The following TEK variants were observed in gnomAD, a reference collection of about 807,000 sequenced individuals.
TEK encodes TEK receptor tyrosine kinase.
TEK carries 43 observed loss-of-function variants against 131.8 expected under a neutral mutation model. The ratio of observed to expected loss-of-function variants is 0.33; its 90% CI spans 0.26 to 0.42. The LOEUF (loss-of-function observed/expected upper bound fraction) is 0.42. TEK is among the 10% of genes least tolerant of loss of function. The pLI is 1.00. For synonymous variants in TEK, 580 were observed against 491.6 expected, an observed-to-expected ratio of 1.18 and a Z score of -2.38; for missense variants, 1,162 against 1,384.4, an observed-to-expected ratio of 0.84 and a Z score of 2.55.
rs1434306401 is a variant in TEK, at chr9:27,109,349, G to T, written c.-242G>T. On this transcript the variant is annotated 5_prime_UTR_variant, in exon 1 of 23. Coordinates refer to ENST00000380036, the MANE Select transcript of TEK (RefSeq NM_000459.5). Reference sequence around the variant, plus strand: ...CCCTGCTGATACCAAATGCCTTTAAGATACAGCCTTTCCCATCCTAATCTA... The same window carrying T: ...CCCTGCTGATACCAAATGCCTTTAATATACAGCCTTTCCCATCCTAATCTA... 2 of 609,598 alleles carry T rather than the reference G, an allele frequency of 3.3e-6. No homozygotes were observed. The highest frequency in any genetic ancestry group is 2.9e-6 in the Non-Finnish European group (1 of 343,308). 37.8% of individuals were successfully genotyped at this position (609,598 alleles called of 1,614,324 possible). A position where few individuals can be genotyped will look rare whatever the true frequency, so the allele number is the denominator to read the frequency against.
rs147274937 is a variant in TEK, at chr9:27,224,820, T to C, written c.3201-3386T>C. ...TAGGAAGAGAGGAAGTCAAACTGTCTCTGTCTGCAGATGACATGATTGTAT... is the reference window on the plus strand; with the variant it reads ...TAGGAAGAGAGGAAGTCAAACTGTCCCTGTCTGCAGATGACATGATTGTAT... On this transcript the variant is annotated intron_variant, in intron 21 of 22. Coordinates refer to ENST00000380036, the MANE Select transcript of TEK (RefSeq NM_000459.5). Among the ~76,000 whole-genome samples the C allele has an allele frequency of 9.7e-3, 1,471 of 152,238 alleles. 23 individuals carry two copies. Among genetic ancestry groups the C allele is most frequent in the African/African-American group, 0.034 (1,423 of 41,546 alleles).
At chr9:27,161,706 G>A (rs1374013487) in intron 2 of TEK, among the ~76,000 whole-genome samples, 2 of 152,220 alleles carry the variant, frequency 1.3e-5, no homozygotes, top group African/African-American at 4.8e-5. Flanking sequence ...GTAGAGGTAT[G>A]AGAGTGGAAG....
At chr9:27,171,698 G>A (rs1487844041) in intron 4 of TEK, among the ~76,000 whole-genome samples, 7 of 152,162 alleles carry the variant, frequency 4.6e-5, no homozygotes, top group African/African-American at 1.4e-4. Flanking sequence ...AAATGTCAGA[G>A]CAGCCTTTTT....
rs578182588 is a variant in TEK at position 27,113,762 on chromosome 9, C to T, written c.52+4120C>T. ...ACAAAACCTCAGTATAATCCTGTCTCTCAAACTTTGTGCTGGCCAATTCCA... is the reference window on the plus strand; with the variant it reads ...ACAAAACCTCAGTATAATCCTGTCTTTCAAACTTTGTGCTGGCCAATTCCA... On this transcript the variant is annotated intron_variant, in intron 1 of 22. Transcript: ENST00000380036. 4.3e-4 allele frequency among the ~76,000 whole-genome samples: 66 copies of T among 152,298 alleles called. No homozygotes were observed. In the Middle Eastern group the frequency reaches 0.014, roughly 31 times the overall value.
rs1241289440 is a variant in TEK, at chr9:27,192,566, G to C, written c.1567G>C (p.Gly523Arg). Reference protein sequence around the residue: ...YELCVQLVRRGEGGEGHPGPV... With the variant: ...YELCVQLVRRREGGEGHPGPV... ...ACTCTGTGTGCAACTGGTCCGTCGT[G>C]GAGAGGGTGGGGAAGGGCATCCTGG... Residue 523 changes from glycine to arginine, a missense_variant, in exon 11 of 23, where the codon GGA (glycine) becomes CGA (arginine). Around this residue, in one of 6 missense-constraint regions of TEK, gnomAD observed 477 missense variants for 471.0 expected, o/e 1.01. Coordinates refer to ENST00000380036, the MANE Select transcript of TEK (RefSeq NM_000459.5). The C allele has an allele frequency of 1.9e-6, 3 of 1,613,880 alleles. No homozygotes were observed. Among genetic ancestry groups the C allele is most frequent in the Non-Finnish European group, 2.5e-6 (3 of 1,179,972 alleles).
intron 9 of TEK, among the ~76,000 whole-genome samples, chr9:27,186,084 C>A (rs1160565579): frequency 6.6e-6 from 1 of 152,134 alleles, no homozygotes; most frequent in Non-Finnish European, 1.5e-5. Context: ...TTTGGAGAAT[C>A]CCTATTTTGA....
In TEK at chr9:27,229,130, T is replaced by C. The variant is rs1345412809; in HGVS notation, c.3301-28T>C. 1.9e-6 allele frequency: 3 copies of C among 1,610,412 alleles called. No homozygotes were observed. The East Asian group carries it at 6.7e-5, about 36-fold the overall frequency. ...GCAGAGGTGGAATCAAAGCAGCCTATGTCTCTGAACCATTTTCATTCTTCC... is the reference window on the plus strand; with the variant it reads ...GCAGAGGTGGAATCAAAGCAGCCTACGTCTCTGAACCATTTTCATTCTTCC... On this transcript the variant is annotated intron_variant, in intron 22 of 22. Coordinates refer to ENST00000380036, the MANE Select transcript of TEK (RefSeq NM_000459.5).
chr9:27,218,419 T>G (rs1348921673), intron 19 of TEK, among the ~76,000 whole-genome samples: 1 of 151,984 alleles, frequency 6.6e-6, no homozygotes. Context: ...CACTAAGAGG[T>G]CCCAAGAGGT....
chr9:27,152,983 A>G (rs570897056), intron 1 of TEK, among the ~76,000 whole-genome samples: 5 of 152,356 alleles, frequency 3.3e-5, no homozygotes, highest in African/African-American at 1.2e-4. Flanking sequence ...AGAAGACGCT[A>G]CTAAGAAAGA....
intron 21 of TEK, among the ~76,000 whole-genome samples, chr9:27,226,567 G>A (rs12350042): frequency 0.54 from 80,866 of 150,884 alleles, 22,254 homozygotes; most frequent in African/African-American, 0.67. Flanking sequence ...AATATCACAC[G>A]CCTATCGGGG....
chr9:27,202,319 A>G (rs1158302064), intron 12 of TEK, among the ~76,000 whole-genome samples: 2 of 152,190 alleles, frequency 1.3e-5, no homozygotes, highest in African/African-American at 4.8e-5. Flanking sequence ...CACTAAGACT[A>G]TGGACTACAG....
intron 1 of TEK, among the ~76,000 whole-genome samples, chr9:27,128,311 C>A (rs1246602865): frequency 6.6e-6 from 1 of 152,042 alleles, no homozygotes; most frequent in African/African-American, 2.4e-5. Flanking sequence ...ATTTCTGAGG[C>A]CTCTTTTCTG....
intron 1 of TEK, among the ~76,000 whole-genome samples, chr9:27,118,147 T>G (rs1821640970): frequency 6.6e-6 from 1 of 152,062 alleles, no homozygotes; most frequent in African/African-American, 2.4e-5. Context: ...CTGATCCCTG[T>G]GTCAGAAACA....
chr9:27,192,687 G>C (rs1346315175), intron 11 of TEK, 64 bp downstream of exon 11: 1 of 857,942 alleles, frequency 1.2e-6, no homozygotes, highest in Non-Finnish European at 1.7e-6. Flanking sequence ...GGGGAAAGAG[G>C]AAGGAAGACC....
In TEK at chr9:27,112,982, A is replaced by C. The variant is rs139041291; in HGVS notation, c.52+3340A>C. ...CTAAAAAGGTACTGCATAAGCTGTC[A>C]TATGTTGTATTAGCAGAAATATGAA... On this transcript the variant is annotated intron_variant, in intron 1 of 22. Transcript: ENST00000380036. Among the ~76,000 whole-genome samples the C allele has an allele frequency of 3.0e-3, 451 of 152,352 alleles. 1 individual carries two copies. The highest frequency in any genetic ancestry group is 9.3e-3 in the African/African-American group (386 of 41,572).
At chr9:27,163,036 T>C (rs1347281451) in intron 2 of TEK, among the ~76,000 whole-genome samples, 2 of 152,208 alleles carry the variant, frequency 1.3e-5, no homozygotes, top group Non-Finnish European at 2.9e-5. Context: ...CTTGAGCCTC[T>C]ATTTTTGCCA....
chr9:27,189,329 A>C (rs547620908), intron 9 of TEK, among the ~76,000 whole-genome samples: 1 of 152,282 alleles, frequency 6.6e-6, no homozygotes, highest in Admixed American at 6.5e-5. Context: ...TCTTTTAGAA[A>C]TTGTATTCCA....
At chr9:27,118,950 G>A (rs555998355) in intron 1 of TEK, among the ~76,000 whole-genome samples, 3 of 152,316 alleles carry the variant, frequency 2.0e-5, no homozygotes, top group Admixed American at 1.3e-4. Context: ...TCTTTAGTAC[G>A]AGAGAATGAG....
chr9:27,164,552 C>T (rs1294598223), intron 2 of TEK, among the ~76,000 whole-genome samples: 2 of 152,140 alleles, frequency 1.3e-5, no homozygotes, highest in Non-Finnish European at 1.5e-5. Flanking sequence ...ATCTCCTGAC[C>T]TTGTGATCTG....
Sources: gnomAD v4.1 joint callset for allele counts (sites outside exome capture counted in the v4.1 genomes callset) on GRCh38, gnomAD v4.1.1 for gene constraint, gnomAD v4.1.1 regional missense constraint, MANE v1.5 for transcripts, NCBI Gene and HGNC (gene_info 2026-07-23, HGNC 2026-07-21) for gene names.